Variants in SPATA16 observed in about 807,000 individuals in gnomAD.
SPATA16 encodes spermatogenesis-associated protein 16.
In SPATA16, 36 loss-of-function variants were observed where a neutral mutation model predicts 63.3. The observed-to-expected ratio is 0.57, with a 90% CI of 0.44 to 0.75. The LOEUF is 0.75. Among genes scored for constraint, SPATA16 ranks in the 30% least tolerant of loss-of-function variants. The pLI is 0.00. For missense variants in SPATA16, 646 were observed against 679.3 expected (o/e 0.95, Z 0.54); for synonymous variants, 203 against 216.7 (o/e 0.94, Z 0.56).
intron 6 of SPATA16, among the ~76,000 whole-genome samples, chr3:172,943,639 C>T (rs1733212155): frequency 1.3e-5 from 2 of 152,130 alleles, no homozygotes; most frequent in Admixed American, 6.5e-5. Flanking sequence ...ACTCGAGAGG[C>T]TGAGGTACGA....
chr3:173,068,126 A>T (rs1199981347), intron 2 of SPATA16, among the ~76,000 whole-genome samples: 1 of 152,352 alleles, frequency 6.6e-6, no homozygotes, highest in South Asian at 2.1e-4. Flanking sequence ...AACGAAGTTA[A>T]TGTATAACAA....
At chr3:172,961,895 A>G (rs909650933) in intron 5 of SPATA16, among the ~76,000 whole-genome samples, 3 of 152,058 alleles carry the variant, frequency 2.0e-5, no homozygotes, top group Admixed American at 1.3e-4. Flanking sequence ...AACTTTCTTC[A>G]GGCCTGGCCC....
chr3:172,930,879 G>C (rs1732856177), intron 6 of SPATA16, among the ~76,000 whole-genome samples: 1 of 151,246 alleles, frequency 6.6e-6, no homozygotes, highest in Non-Finnish European at 1.5e-5. Flanking sequence ...GCCCAGGCTG[G>C]AGTGCAATGG....
intron 2 of SPATA16, among the ~76,000 whole-genome samples, chr3:173,084,211 A>C (rs533404527): frequency 6.6e-6 from 1 of 151,918 alleles, no homozygotes; most frequent in South Asian, 2.1e-4. Context: ...AATAATTGTC[A>C]TTCTGTCATG....
intron 2 of SPATA16, among the ~76,000 whole-genome samples, chr3:173,115,356 C>G (rs1250895396): frequency 6.6e-6 from 1 of 152,136 alleles, no homozygotes; most frequent in African/African-American, 2.4e-5. Context: ...ATACCTTTAA[C>G]CCTCCCTGCA....
At chr3:172,939,745 T>A (rs1733101430) in intron 6 of SPATA16, among the ~76,000 whole-genome samples, 1 of 152,196 alleles carries the variant, frequency 6.6e-6, no homozygotes, top group African/African-American at 2.4e-5. Flanking sequence ...TAGGAGCATC[T>A]GTTGCTATTC....
At chr3:173,099,839 A>G (rs1737448143) in intron 2 of SPATA16, among the ~76,000 whole-genome samples, 1 of 152,166 alleles carries the variant, frequency 6.6e-6, no homozygotes, top group Non-Finnish European at 1.5e-5. Flanking sequence ...TCAAAATTCC[A>G]TCACAGGCAC....
At position 172,956,786 on chromosome 3, in the gene SPATA16, G is replaced by A; in HGVS notation, c.972C>T (p.Phe324=). The change falls in exon 6 of 11, where the codon TTC becomes TTT. Residue 324 remains phenylalanine, a synonymous_variant. Transcript: ENST00000351008. The part of the protein sequence containing the change: ...IEEAITRAES[F]SVMYTPFATK... ...TCGCAAATGGTGTGTACATAACCGA[G>A]AAAGATTCAGCTCTGGTGATGGCTT... The A allele has an allele frequency of 6.2e-7, 1 of 1,613,290 alleles. No homozygotes were observed. Among genetic ancestry groups the A allele is most frequent in the Non-Finnish European group, 8.5e-7 (1 of 1,179,564 alleles).
At chr3:172,980,202 A>G (rs1734266883) in intron 4 of SPATA16, among the ~76,000 whole-genome samples, 1 of 152,234 alleles carries the variant, frequency 6.6e-6, no homozygotes, top group Non-Finnish European at 1.5e-5. Flanking sequence ...ATCGTGCTGA[A>G]TTTATAAAAG....
intron 3 of SPATA16, among the ~76,000 whole-genome samples, chr3:173,044,726 A>C (rs765152242): frequency 1.3e-5 from 2 of 152,052 alleles, no homozygotes; most frequent in Non-Finnish European, 2.9e-5. Context: ...GGGAATCTGG[A>C]TTATGACATA....
rs1023380867 is a variant in SPATA16, at chr3:173,019,640, A to G, written c.759-65T>C. The G allele has an allele frequency of 2.8e-6, 4 of 1,416,106 alleles. No individual in the cohort carries two copies. The East Asian group carries it at 6.9e-5, about 24-fold the overall frequency. The allele number at this position is 1,416,106 out of a possible 1,614,324, so 87.7% of individuals were successfully genotyped here. A position where few individuals can be genotyped will look rare whatever the true frequency, so the allele number is the denominator to read the frequency against. ...TTAAAAGACAATTACCACAAGTGCA[A>G]TGGAATGAAATCACAGGCATTCAAT... On this transcript the variant is annotated intron_variant, in intron 3 of 10. Transcript: ENST00000351008.
intron 3 of SPATA16, among the ~76,000 whole-genome samples, chr3:173,023,454 A>T (rs1404521944): frequency 1.3e-5 from 2 of 151,876 alleles, no homozygotes; most frequent in African/African-American, 2.4e-5. Flanking sequence ...CAACTGCCTA[A>T]TGTCCTCTAT....
chr3:173,132,697 A>T (rs1738419031), intron 1 of SPATA16, among the ~76,000 whole-genome samples: 1 of 152,174 alleles, frequency 6.6e-6, no homozygotes, highest in Admixed American at 6.5e-5. Context: ...GTAAGGTAGA[A>T]GCTGGGGAAT....
chr3:172,974,006 T>C (rs1281513962), intron 5 of SPATA16, among the ~76,000 whole-genome samples: 1 of 152,200 alleles, frequency 6.6e-6, no homozygotes, highest in African/African-American at 2.4e-5. Context: ...CAAAGTGATA[T>C]ATCCCAGTGT....
At chr3:173,137,695 CTG>C (rs1471780452) in intron 1 of SPATA16, among the ~76,000 whole-genome samples, 2 of 152,202 alleles carry the variant, frequency 1.3e-5, no homozygotes, top group East Asian at 3.9e-4. Flanking sequence ...AGGAAGTTAA[CTG>C]AGAGATCGGA....
At chr3:173,069,033 C>G (rs988956207) in intron 2 of SPATA16, among the ~76,000 whole-genome samples, 1 of 149,722 alleles carries the variant, frequency 6.7e-6, no homozygotes, top group Non-Finnish European at 1.5e-5. Context: ...TGGCGTGAAC[C>G]CGGGAGGCGG....
At chr3:173,072,210 A>C (rs969911038) in intron 2 of SPATA16, among the ~76,000 whole-genome samples, 5 of 152,222 alleles carry the variant, frequency 3.3e-5, no homozygotes, top group African/African-American at 1.2e-4. Flanking sequence ...TGGCACATGT[A>C]TGTCGTGGAA....
chr3:173,032,027 T>C (rs1376641624), intron 3 of SPATA16, among the ~76,000 whole-genome samples: 1 of 152,130 alleles, frequency 6.6e-6, no homozygotes, highest in Non-Finnish European at 1.5e-5. Flanking sequence ...AGTATGTTTT[T>C]GCAAAAGCAT....
intron 2 of SPATA16, 105 bp from the exon 3 acceptor site, chr3:173,049,199 G>T: frequency 7.7e-7 from 1 of 1,298,934 alleles, no homozygotes; most frequent in Non-Finnish European, 1.1e-6. Flanking sequence ...TTTTGCTTAT[G>T]CTTGCTTATA....
Sources: gnomAD v4.1 joint callset for allele counts (sites outside exome capture counted in the v4.1 genomes callset) on GRCh38, gnomAD v4.1.1 for gene constraint, MANE v1.5 for transcripts, NCBI Gene and HGNC (gene_info 2026-07-23, HGNC 2026-07-21) for gene names.